Variants in VWA5B1 observed in about 807,000 individuals in gnomAD.
VWA5B1 encodes von Willebrand factor A domain containing 5B1.
A neutral mutation model predicts 118.2 loss-of-function variants in VWA5B1; 115 were observed. The observed-to-expected ratio is 0.97, with a 90% CI of 0.84 to 1.14. The LOEUF is 1.14. Ranked by LOEUF, VWA5B1 falls within the 50% of genes most tolerant of loss-of-function variation. The probability of loss-of-function intolerance (pLI) is 0.00; values close to 1 mark genes in which losing one functional copy is unlikely to be tolerated. For synonymous variants in VWA5B1, 682 were observed against 658.4 expected (o/e 1.04, Z -0.55); for missense variants, 1,596 against 1,603.8 (o/e 1.00, Z 0.08).
At chr1:20,300,108 G>A (rs1159548672) in intron 1 of VWA5B1, among the ~76,000 whole-genome samples, 2 of 152,204 alleles carry the variant, frequency 1.3e-5, no homozygotes, top group Non-Finnish European at 2.9e-5. Flanking sequence ...GTGTAACCCT[G>A]AGGTTTTCTT....
At position 20,336,315 on chromosome 1, in the gene VWA5B1, C is replaced by T. The variant is rs537953675; in HGVS notation, c.1771C>T (p.Arg591Trp). The T allele has an allele frequency of 4.8e-5, 71 of 1,465,800 alleles. No individual in the cohort carries two copies. Among genetic ancestry groups the T allele is most frequent in the African/African-American group, 4.0e-4 (28 of 70,604 alleles). The allele number at this position is 1,465,800 out of a possible 1,614,324, so 90.8% of individuals were successfully genotyped here. The stretch of plus-strand genomic sequence containing the variant: ...TTTCTCCCTACAGGACAAGAGGCGC[C>T]GGTACAGCATGCTGCACTCTCAGGA... The part of the protein sequence containing the change: ...ISNPRSDKRR[R>W]YSMLHSQESG... The change falls in exon 13 of 22, where the codon CGG becomes TGG. Residue 591 changes from arginine (R) to tryptophan (W), a missense_variant. Physicochemically the swap from Arg to Trp is moderately radical, Grantham distance 101 (BLOSUM62 -3). Coordinates refer to ENST00000289815, the MANE Select transcript of VWA5B1 (RefSeq NM_001039500.3).
At chr1:20,305,737 G>C (rs16823840) in intron 1 of VWA5B1, among the ~76,000 whole-genome samples, 2,636 of 151,928 alleles carry the variant, frequency 0.017, 86 homozygotes, top group African/African-American at 0.06. Flanking sequence ...TTGATGGCCT[G>C]TTACAAGACG....
chr1:20,345,355 T>G, intron 16 of VWA5B1, 101 bp from the exon 17 acceptor site: 1 of 1,473,256 alleles, frequency 6.8e-7, no homozygotes, highest in East Asian at 2.5e-5. Flanking sequence ...ATCCCAAAGA[T>G]GGGGACCACT....
chr1:20,324,559 C>T (rs1404376897), intron 8 of VWA5B1, among the ~76,000 whole-genome samples: 1 of 152,200 alleles, frequency 6.6e-6, no homozygotes. Flanking sequence ...AGCCTTCTAT[C>T]TCTTTATTGA....
chr1:20,352,017 G>T, intron 20 of VWA5B1, 38 bp from the exon 21 acceptor site: 1 of 1,517,888 alleles, frequency 6.6e-7, no homozygotes, highest in East Asian at 2.5e-5. Context: ...GGCACTGGAG[G>T]TTGGGATGCC....
Position 20,302,775 on chromosome 1 carries a change from G to A in VWA5B1, c.-26-7801G>A, listed in dbSNP as rs78342120. On this transcript the variant is annotated intron_variant, in intron 1 of 21. Transcript: ENST00000289815. ...CATGGAGGTGGTGGCATTGAAGCTGGCCTTGAAGGATGGCTAAGGAGGGAG... is the reference window on the plus strand; with the variant it reads ...CATGGAGGTGGTGGCATTGAAGCTGACCTTGAAGGATGGCTAAGGAGGGAG... Among the ~76,000 whole-genome samples the A allele has an allele frequency of 3.8e-3, 579 of 152,266 alleles. 3 individuals are homozygous for A. Among genetic ancestry groups the A allele is most frequent in the Middle Eastern group, 0.01 (3 of 294 alleles).
intron 7 of VWA5B1, among the ~76,000 whole-genome samples, chr1:20,322,372 G>A (rs945035340): frequency 1.3e-5 from 2 of 152,158 alleles, no homozygotes; most frequent in Admixed American, 6.5e-5. Context: ...TGAAAGCAGC[G>A]TGAGAACAAA....
Position 20,345,531 on chromosome 1 carries a change from T to C in VWA5B1, c.2702T>C (p.Phe901Ser). 1 of 1,551,232 alleles carries C rather than the reference T, an allele frequency of 6.4e-7. No individual in the cohort carries two copies. The highest frequency in any genetic ancestry group is 1.2e-5 in the South Asian group (1 of 84,058). Reference protein sequence around the residue: ...ACNIISKYTAFVPVDVSKSRY... With the variant: ...ACNIISKYTASVPVDVSKSRY... ...AACATCATTAGCAAATACACAGCCT[T>C]CGTGCCTGTGGACGTGAGCAAGAGC... The change falls in exon 17 of 22, where the codon TTC becomes TCC. Residue 901 changes from phenylalanine to serine, a missense_variant. Phe to Ser is a radical substitution (Grantham distance 155). Transcript: ENST00000289815.
chr1:20,332,758 C>A lies in VWA5B1; in HGVS notation c.1573-8C>A. 1 of 1,551,242 alleles carries A rather than the reference C, an allele frequency of 6.4e-7. No homozygotes were observed. The highest frequency in any genetic ancestry group is 1.2e-5 in the South Asian group (1 of 84,028). ...ATCCCCCAACTGCATTCTGACCCTGCCCTACAGATGGTCAAATCCTTGAAG... is the reference window on the plus strand; with the variant it reads ...ATCCCCCAACTGCATTCTGACCCTGACCTACAGATGGTCAAATCCTTGAAG... On this transcript the variant is annotated splice_polypyrimidine_tract_variant and splice_region_variant and intron_variant, in intron 11 of 21. Coordinates refer to ENST00000289815, the MANE Select transcript of VWA5B1 (RefSeq NM_001039500.3).
At chr1:20,328,953 G>A (rs544337588) in intron 9 of VWA5B1, among the ~76,000 whole-genome samples, 49 of 152,282 alleles carry the variant, frequency 3.2e-4, no homozygotes, top group African/African-American at 1.2e-3. Context: ...GATAGGATTA[G>A]GCCTTCCATA....
rs540716891 is a variant in VWA5B1 at position 20,316,143 on chromosome 1, G to A, written c.564-1387G>A. Among the ~76,000 whole-genome samples the A allele has an allele frequency of 2.0e-5, 3 of 152,330 alleles. No individual in the cohort carries two copies. In the East Asian group the frequency reaches 5.8e-4, roughly 29 times the overall value. On this transcript the variant is annotated intron_variant, in intron 4 of 21. Transcript: ENST00000289815. Reference sequence around the variant, plus strand: ...AAATTCAAAAACCAGATGATGCCAAGTATTAGTGAGGAGAGGGGGGATGCT... The same window carrying A: ...AAATTCAAAAACCAGATGATGCCAAATATTAGTGAGGAGAGGGGGGATGCT...
At chr1:20,353,662 G>T in intron 21 of VWA5B1, 95 bp from the exon 22 acceptor site, 1 of 1,411,758 alleles carries the variant, frequency 7.1e-7, no homozygotes, top group Non-Finnish European at 9.2e-7. Flanking sequence ...GGCAGGCAGG[G>T]TGGGGTGGGC....
intron 3 of VWA5B1, 69 bp from the exon 4 acceptor site, chr1:20,314,253 C>T (rs1404732316): frequency 4.7e-6 from 7 of 1,487,856 alleles, no homozygotes; most frequent in Non-Finnish European, 5.4e-6. Context: ...TCACACTTAC[C>T]ACAACAGCAA....
intron 18 of VWA5B1, chr1:20,349,172 A>G: frequency 4.5e-6 from 2 of 446,958 alleles, no homozygotes; most frequent in Non-Finnish European, 4.5e-6. Flanking sequence ...GAGGGGGTGG[A>G]AACCCAGAGG....
intron 11 of VWA5B1, among the ~76,000 whole-genome samples, chr1:20,331,940 G>C (rs1488360094): frequency 2.0e-5 from 3 of 152,146 alleles, no homozygotes; most frequent in Admixed American, 6.5e-5. Context: ...GACCACAGCT[G>C]TCATTTACTA....
intron 16 of VWA5B1, among the ~76,000 whole-genome samples, chr1:20,343,946 T>A (rs1272041478): frequency 3.8e-5 from 4 of 104,712 alleles, no homozygotes; most frequent in Non-Finnish European, 7.6e-5. Flanking sequence ...GCCCTTCATC[T>A]CTGGCTTCAG....
chr1:20,322,466 A>G (rs1409129415), intron 7 of VWA5B1, among the ~76,000 whole-genome samples: 2 of 152,252 alleles, frequency 1.3e-5, no homozygotes, highest in Non-Finnish European at 2.9e-5. Flanking sequence ...GCCACATAAA[A>G]GGATAAACAC....
chr1:20,330,897 G>A lies in VWA5B1; in HGVS notation c.1486G>A (p.Val496Ile), dbSNP rs570720530. 7.1e-6 allele frequency: 11 copies of A among 1,551,728 alleles called. No homozygotes were observed. Among genetic ancestry groups the A allele is most frequent in the Admixed American group, 2.0e-5 (1 of 50,996 alleles). The change falls in exon 11 of 22, where the codon GTC becomes ATC. Residue 496 changes from valine (V) to isoleucine (I), a missense_variant. Val to Ile is a conservative substitution (Grantham distance 29). Transcript: ENST00000289815. ...RCYSFGIGPN[V>I]CHRLVKGLAS... ...CTATAGCTTTGGAATTGGACCCAAC[G>A]TCTGCCACAGACTGGTGAAAGGACT...
At chr1:20,351,064 T>C in intron 20 of VWA5B1, 138 bp downstream of exon 20, 1 of 752,926 alleles carries the variant, frequency 1.3e-6, no homozygotes, top group Non-Finnish European at 2.2e-6. Flanking sequence ...AAGGCACTCC[T>C]GCCCAGAGCA....
Sources: allele counts gnomAD v4.1 joint callset (sites outside exome capture counted in the v4.1 genomes callset), GRCh38; gene constraint gnomAD v4.1.1; transcripts MANE v1.5; gene names NCBI Gene and HGNC (gene_info 2026-07-23, HGNC 2026-07-21).